PLEKHG7: variants seen among roughly 807,000 people sequenced by gnomAD.
The protein encoded by PLEKHG7 is pleckstrin homology and RhoGEF domain containing G7.
Under a neutral mutation model 85.2 loss-of-function variants are expected in PLEKHG7, and 77 were observed. That is an observed-to-expected ratio of 0.90 (90% CI 0.75 to 1.09). PLEKHG7 has a LOEUF of 1.09. Among genes scored for constraint, PLEKHG7 ranks in the 50% least tolerant of loss-of-function variants. The probability of loss-of-function intolerance (pLI) is 0.00; values close to 1 mark genes in which losing one functional copy is unlikely to be tolerated. For missense variants in PLEKHG7, 777 were observed against 804.3 expected (o/e 0.97, Z 0.41); for synonymous variants, 301 against 302.4 (o/e 1.00, Z 0.05).
chr12:92,741,133 A>T (rs956829659), intron 8 of PLEKHG7, among the ~76,000 whole-genome samples, 185 bp downstream of exon 8: 1 of 152,344 alleles, frequency 6.6e-6, no homozygotes, highest in Middle Eastern at 3.4e-3. Context: ...TGTAGATATT[A>T]GTTACCCTTT....
At chr12:92,735,286 G>C (rs1473564814) in intron 5 of PLEKHG7, among the ~76,000 whole-genome samples, 1 of 152,136 alleles carries the variant, frequency 6.6e-6, no homozygotes, top group Non-Finnish European at 1.5e-5. Context: ...AGATTCCTTT[G>C]CTGCTGTGGA....
At chr12:92,764,279 C>G in intron 15 of PLEKHG7, 85 bp downstream of exon 15, 1 of 1,328,878 alleles carries the variant, frequency 7.5e-7, no homozygotes, top group South Asian at 1.6e-5. Context: ...GGTCATAAAT[C>G]CAATTCAAGT....
intron 9 of PLEKHG7, among the ~76,000 whole-genome samples, chr12:92,744,961 C>G (rs1352066439): frequency 1.3e-5 from 2 of 152,132 alleles, no homozygotes; most frequent in Non-Finnish European, 2.9e-5. Context: ...GCCACTGCGC[C>G]CAGCCAAGAT....
intron 13 of PLEKHG7, 87 bp downstream of exon 13, chr12:92,756,478 T>G: frequency 9.8e-7 from 1 of 1,024,110 alleles, no homozygotes; most frequent in Non-Finnish European, 1.5e-6. Context: ...CAGGAGGACT[T>G]GTGTTTGCCT....
At chr12:92,751,838 G>C (rs1391971435) in intron 10 of PLEKHG7, among the ~76,000 whole-genome samples, 3 of 152,010 alleles carry the variant, frequency 2.0e-5, no homozygotes, top group Non-Finnish European at 2.9e-5. Flanking sequence ...GCAACATAGT[G>C]ATATCCAGTC....
chr12:92,730,769 T>A (rs145661737), intron 4 of PLEKHG7, among the ~76,000 whole-genome samples: 1 of 152,198 alleles, frequency 6.6e-6, no homozygotes, highest in Non-Finnish European at 1.5e-5. Flanking sequence ...CCGGCTACAG[T>A]TTGAGAACCA....
At position 92,704,239 on chromosome 12, in the gene PLEKHG7, C is replaced by T. The variant is rs187741789; in HGVS notation, c.-162+1107C>T. 3.3e-5 allele frequency among the ~76,000 whole-genome samples: 5 copies of T among 150,744 alleles called. No homozygotes were observed. The East Asian group carries it at 7.7e-4, about 23-fold the overall frequency. ...ATCACACCTCTGCACTCAGCCTGGG[C>T]GACAGAGCCAGACTCCATCTCTAAA... On this transcript the variant is annotated intron_variant, in intron 1 of 16. Coordinates refer to ENST00000344636, the MANE Select transcript of PLEKHG7 (RefSeq NM_001377329.1).
intron 3 of PLEKHG7, among the ~76,000 whole-genome samples, chr12:92,720,147 A>T (rs1161715940): frequency 6.6e-6 from 1 of 152,186 alleles, no homozygotes; most frequent in Non-Finnish European, 1.5e-5. Flanking sequence ...TCTGGAAATC[A>T]GAAGTCTGAA....
At chr12:92,760,561 A>G (rs937766239) in intron 13 of PLEKHG7, among the ~76,000 whole-genome samples, 1 of 152,240 alleles carries the variant, frequency 6.6e-6, no homozygotes, top group South Asian at 2.1e-4. Flanking sequence ...AAAAAAATTT[A>G]CTGGGTTTTC....
chr12:92,716,626 T>C (rs564069022), intron 3 of PLEKHG7, among the ~76,000 whole-genome samples: 10 of 152,378 alleles, frequency 6.6e-5, no homozygotes, highest in African/African-American at 2.4e-4. Flanking sequence ...AATTCATTCT[T>C]ACACAAGTGT....
intron 1 of PLEKHG7, among the ~76,000 whole-genome samples, chr12:92,703,504 A>G (rs917084267): frequency 1.3e-5 from 2 of 152,196 alleles, no homozygotes; most frequent in African/African-American, 4.8e-5. Flanking sequence ...CTTAGCCATT[A>G]TCTCATTTAA....
At position 92,737,411 on chromosome 12, in the gene PLEKHG7, C is replaced by A; in HGVS notation, c.829C>A (p.His277Asn). Residue 277 changes from histidine (H) to asparagine (N), a missense_variant, in exon 7 of 17, where the codon CAC (histidine) becomes AAC (asparagine). His to Asn is a moderately conservative substitution (Grantham distance 68, BLOSUM62 1). Transcript: ENST00000344636. ...KTWDEVLETH[H>N]KLPTDQLDLK... ...CTGGGATGAAGTCTTGGAAACACAT[C>A]ACAAACTCCCGACCGATCAATTAGA... The A allele has an allele frequency of 1.3e-6, 2 of 1,549,898 alleles. No homozygotes were observed. The highest frequency in any genetic ancestry group is 2.2e-5 in the Admixed American group (1 of 44,616).
rs867481567 is a variant in PLEKHG7 at position 92,757,977 on chromosome 12, C to T, written c.1636+1586C>T. On this transcript the variant is annotated intron_variant, in intron 13 of 16. Transcript: ENST00000344636. ...GTGAACACGGTGAGGTGAGAAGACTCGGGGCCTGTCTGTTGCTCTACCATT... is the reference window on the plus strand; with the variant it reads ...GTGAACACGGTGAGGTGAGAAGACTTGGGGCCTGTCTGTTGCTCTACCATT... Among the ~76,000 whole-genome samples, 8 of 152,212 alleles carry T rather than the reference C, an allele frequency of 5.3e-5. No individual in the cohort carries two copies. The South Asian group carries it at 8.3e-4, about 16-fold the overall frequency.
intron 3 of PLEKHG7, among the ~76,000 whole-genome samples, chr12:92,725,648 C>T (rs1871771253): frequency 6.6e-6 from 1 of 152,126 alleles, no homozygotes; most frequent in South Asian, 2.1e-4. Context: ...TGTGTCTACA[C>T]TCTGTATCTG....
chr12:92,757,062 C>CT (rs1190003002), intron 13 of PLEKHG7, among the ~76,000 whole-genome samples: 1 of 152,108 alleles, frequency 6.6e-6, no homozygotes, highest in Non-Finnish European at 1.5e-5. Context: ...AGGCAGAAGC[C>CT]CCTGGAGAAA....
chr12:92,768,241 T>A (rs1873275830), intron 15 of PLEKHG7, among the ~76,000 whole-genome samples: 1 of 151,890 alleles, frequency 6.6e-6, no homozygotes, highest in South Asian at 2.1e-4. Context: ...AAAGAATGTG[T>A]AAGCTTCAGG....
At chr12:92,713,830 T>C (rs1002436445) in intron 3 of PLEKHG7, among the ~76,000 whole-genome samples, 11 of 152,142 alleles carry the variant, frequency 7.2e-5, no homozygotes, top group African/African-American at 2.7e-4. Context: ...ATCCATATTT[T>C]AGCTAACCAA....
At chr12:92,729,284 C>T (rs535135070) in intron 4 of PLEKHG7, among the ~76,000 whole-genome samples, 164 bp downstream of exon 4, 2 of 151,822 alleles carry the variant, frequency 1.3e-5, no homozygotes, top group African/African-American at 2.4e-5. Flanking sequence ...ACTGGAATTA[C>T]GGGAACCAGC....
intron 15 of PLEKHG7, among the ~76,000 whole-genome samples, chr12:92,764,684 G>A (rs537857601): frequency 6.0e-4 from 91 of 152,026 alleles, no homozygotes; most frequent in African/African-American, 2.1e-3. Flanking sequence ...ATATATGCAT[G>A]TATCTACATG....
Sources: allele counts gnomAD v4.1 joint callset (sites outside exome capture counted in the v4.1 genomes callset), GRCh38; gene constraint gnomAD v4.1.1; transcripts MANE v1.5; gene names NCBI Gene and HGNC (gene_info 2026-07-23, HGNC 2026-07-21).